Variants in VPS37A observed in about 807,000 individuals in gnomAD.
VPS37A encodes vacuolar protein sorting-associated protein 37A.
Under a neutral mutation model 49.8 loss-of-function variants are expected in VPS37A, and 30 were observed. The observed-to-expected ratio is 0.60, with a 90% CI of 0.45 to 0.82. The LOEUF (loss-of-function observed/expected upper bound fraction) is 0.82. Among genes scored for constraint, VPS37A ranks in the 40% least tolerant of loss-of-function variants. The pLI, the probability that VPS37A is intolerant of heterozygous loss-of-function variation, is 0.00. For missense variants in VPS37A, 593 were observed against 464.4 expected (o/e 1.28, Z -2.55); for synonymous variants, 195 against 160.6 (o/e 1.21, Z -1.62).
chr8:17,250,682 GC>G (rs1811897903), intron 1 of VPS37A, among the ~76,000 whole-genome samples: 1 of 151,966 alleles, frequency 6.6e-6, no homozygotes, highest in Non-Finnish European at 1.5e-5. Context: ...TTCCACTTCA[GC>G]AGTCTCTTTT....
At chr8:17,316,516 C>T in the VPS37A span, among the ~76,000 whole-genome samples, 1 of 150,844 alleles carries the variant, frequency 6.6e-6, no homozygotes, top group African/African-American at 2.4e-5. Context: ...TCTCCCTGTA[C>T]CTGGATTTCT....
At chr8:17,255,205 G>A (rs1236569912) in intron 1 of VPS37A, among the ~76,000 whole-genome samples, 1 of 152,232 alleles carries the variant, frequency 6.6e-6, no homozygotes, top group Non-Finnish European at 1.5e-5. Flanking sequence ...GCTGGCTGCA[G>A]TGGCTCACTG....
intron 3 of VPS37A, 70 bp downstream of exon 3, chr8:17,268,442 A>C: frequency 2.6e-6 from 3 of 1,168,828 alleles, no homozygotes; most frequent in Non-Finnish European, 3.6e-6. Flanking sequence ...AATATTTTAG[A>C]AATCTGAAAT....
chr8:17,294,865 G>C (rs1816502088), intron 11 of VPS37A, 122 bp from the exon 12 acceptor site: 1 of 152,230 alleles, frequency 6.6e-6, no homozygotes, highest in South Asian at 2.1e-4. Context: ...GACTGGAGCT[G>C]TTCCTATTCA....
chr8:17,260,924 T>C (rs1174242417), intron 1 of VPS37A, among the ~76,000 whole-genome samples: 1 of 152,172 alleles, frequency 6.6e-6, no homozygotes, highest in African/African-American at 2.4e-5. Flanking sequence ...CTTTGAGAGT[T>C]TGATGATTAT....
chr8:17,305,625 TAAAAC>T (rs545237270), downstream of VPS37A: 682 of 693,222 alleles, frequency 9.8e-4, 1 homozygote, highest in Non-Finnish European at 1.3e-3. Context: ...AAAAAGAAAA[TAAAAC>T]TAATCTGTCA....
chr8:17,269,894 T>C (rs894027242), intron 4 of VPS37A, among the ~76,000 whole-genome samples: 2 of 152,306 alleles, frequency 1.3e-5, no homozygotes, highest in African/African-American at 4.8e-5. Flanking sequence ...CTGGGTAATA[T>C]ATAAAGAAAA....
the VPS37A span, among the ~76,000 whole-genome samples, chr8:17,312,340 C>T: frequency 3.3e-5 from 5 of 152,170 alleles, no homozygotes; most frequent in South Asian, 2.1e-4. Flanking sequence ...TTTGGGAGGC[C>T]GTGGCGGGTG....
intron 1 of VPS37A, among the ~76,000 whole-genome samples, chr8:17,255,687 A>T (rs1025691592): frequency 6.6e-6 from 1 of 152,174 alleles, no homozygotes; most frequent in Non-Finnish European, 1.5e-5. Flanking sequence ...AAACTCACTA[A>T]TTAATTTCAT....
chr8:17,300,610 G>C (rs919063120), downstream of VPS37A, among the ~76,000 whole-genome samples: 14 of 152,138 alleles, frequency 9.2e-5, no homozygotes, highest in African/African-American at 3.4e-4. Context: ...TTTATACTGA[G>C]ATACAATTCA....
At chr8:17,312,255 A>G in the VPS37A span, among the ~76,000 whole-genome samples, 11 of 152,298 alleles carry the variant, frequency 7.2e-5, no homozygotes, top group Admixed American at 7.2e-4. Flanking sequence ...ATCACTACCT[A>G]AAATTCTAGT....
At chr8:17,275,196 G>A (rs928562874) in intron 5 of VPS37A, among the ~76,000 whole-genome samples, 2 of 152,184 alleles carry the variant, frequency 1.3e-5, no homozygotes, top group Non-Finnish European at 2.9e-5. Context: ...TAGGGGAATG[G>A]TCAGTGCTCC....
At chr8:17,304,427 G>A (rs375705557), downstream of VPS37A, 2 of 1,613,958 alleles carry the variant, frequency 1.2e-6, no homozygotes, top group African/African-American at 2.7e-5. Context: ...GGTTCCCTGA[G>A]TCTGGCTGTG....
chr8:17,329,753 C>T, the VPS37A span, among the ~76,000 whole-genome samples: 3 of 152,192 alleles, frequency 2.0e-5, no homozygotes, highest in African/African-American at 7.2e-5. Context: ...ACATAAAAAA[C>T]ATAGTTTGTA....
At chr8:17,299,931 A>C (rs1243461118), downstream of VPS37A, 1 of 1,614,148 alleles carries the variant, frequency 6.2e-7, no homozygotes, top group East Asian at 2.2e-5. Context: ...GTGCATGCTC[A>C]CCACCACTTG....
chr8:17,251,304 C>T (rs1332516049), intron 1 of VPS37A, among the ~76,000 whole-genome samples: 1 of 152,156 alleles, frequency 6.6e-6, no homozygotes, highest in Non-Finnish European at 1.5e-5. Context: ...AGAAATGTCT[C>T]ATGTTTTGGA....
intron 1 of VPS37A, among the ~76,000 whole-genome samples, chr8:17,261,914 C>A (rs576485882): frequency 4.5e-4 from 69 of 152,288 alleles, no homozygotes; most frequent in South Asian, 2.7e-3. Flanking sequence ...TTGCCTCTCC[C>A]CTTTGTCTCT....
chr8:17,268,866 A>G lies in VPS37A; in HGVS notation c.326A>G (p.His109Arg), dbSNP rs770801879. 4 of 1,606,734 alleles carry G rather than the reference A, an allele frequency of 2.5e-6. No individual in the cohort carries two copies. Among genetic ancestry groups the G allele is most frequent in the East Asian group, 2.2e-5 (1 of 44,628 alleles). Residue 109 changes from histidine to arginine, a missense_variant, in exon 4 of 12, where the codon CAC becomes CGC. Physicochemically the swap from His to Arg is conservative, Grantham distance 29. Transcript: ENST00000324849. The part of the protein sequence containing the change: ...TSPLVNNFTM[H>R]SDLGKIIQSL... ...TATTGTTACTTTCAGTTTACAATGC[A>G]CTCAGATCTTGGAAAAATTATTCAG...
At chr8:17,328,825 A>C in the VPS37A span, among the ~76,000 whole-genome samples, 1 of 152,222 alleles carries the variant, frequency 6.6e-6, no homozygotes, top group African/African-American at 2.4e-5. Flanking sequence ...TTAAATAACA[A>C]AATTGCTTGC....
Sources: gnomAD v4.1 joint callset for allele counts (sites outside exome capture counted in the v4.1 genomes callset) on GRCh38, gnomAD v4.1.1 for gene constraint, MANE v1.5 for transcripts, NCBI Gene and HGNC (gene_info 2026-07-23, HGNC 2026-07-21) for gene names.